Variants in LDAH observed in about 807,000 individuals in gnomAD.
LDAH encodes the protein lipid droplet-associated hydrolase.
Under a neutral mutation model 29.6 loss-of-function variants are expected in LDAH, and 26 were observed. That is an observed-to-expected ratio of 0.88 (90% CI 0.64 to 1.22). The LOEUF is 1.22. LDAH is among the 50% of genes most tolerant of loss of function. The pLI, the probability that LDAH is intolerant of heterozygous loss-of-function variation, is 0.00. For missense variants in LDAH, 344 were observed against 387.3 expected (o/e 0.89, Z 0.94); for synonymous variants, 117 against 133.0 (o/e 0.88, Z 0.83).
intron 5 of LDAH, among the ~76,000 whole-genome samples, chr2:20,717,369 C>T (rs1173374518): frequency 2.0e-5 from 3 of 152,126 alleles, no homozygotes; most frequent in Non-Finnish European, 4.4e-5. Flanking sequence ...TGGAATTTAT[C>T]TTAAAACTTC....
rs56001378 is a variant in LDAH at position 20,743,311 on chromosome 2, C to CTTTT, written c.469-3110_469-3107dup. On this transcript the variant is annotated intron_variant, in intron 4 of 6. Coordinates refer to ENST00000237822, the MANE Select transcript of LDAH (RefSeq NM_021925.4). ...TCCATTTACAACTAGTCCAAGTCCA[C>CTTTT]TTTTTTTTTTTTTTTTATTATACTT... Among the ~76,000 whole-genome samples the CTTTT allele has an allele frequency of 2.9e-5, 4 of 136,040 alleles. No individual in the cohort carries two copies. In the South Asian group the frequency reaches 8.9e-4, roughly 30 times the overall value. The allele number at this position is 136,040 out of a possible 152,430, so 89.2% of individuals were successfully genotyped here.
intron 5 of LDAH, among the ~76,000 whole-genome samples, chr2:20,703,205 A>G (rs1664076275): frequency 6.6e-6 from 1 of 152,250 alleles, no homozygotes; most frequent in African/African-American, 2.4e-5. Flanking sequence ...ACACATATAT[A>G]GTTTCATATC....
At chr2:20,811,327 T>TAAA (rs952779579) in intron 1 of LDAH, among the ~76,000 whole-genome samples, 1 of 151,954 alleles carries the variant, frequency 6.6e-6, no homozygotes, top group Admixed American at 6.5e-5. Context: ...CTCAACCTTC[T>TAAA]AAAAACTGAT....
At chr2:20,743,525 C>G (rs562260) in intron 4 of LDAH, among the ~76,000 whole-genome samples, 53,134 of 152,052 alleles carry the variant, frequency 0.35, 10,637 homozygotes, top group South Asian at 0.6. Context: ...ATTCATTTCA[C>G]TTATATGTAA....
chr2:20,717,562 A>G (rs1266160231), intron 5 of LDAH, among the ~76,000 whole-genome samples: 1 of 152,230 alleles, frequency 6.6e-6, no homozygotes, highest in African/African-American at 2.4e-5. Flanking sequence ...AAATGGACTC[A>G]CAGACAAACT....
intron 4 of LDAH, among the ~76,000 whole-genome samples, chr2:20,771,478 C>T (rs893361808): frequency 6.6e-6 from 1 of 152,190 alleles, no homozygotes; most frequent in South Asian, 2.1e-4. Flanking sequence ...CTGGCTTACA[C>T]AAACATATTT....
rs1662433449 is a variant in LDAH, at chr2:20,684,612, G to A, written c.*2291C>T. 9.4e-6 allele frequency: 3 copies of A among 318,760 alleles called. No homozygotes were observed. Among genetic ancestry groups the A allele is most frequent in the Non-Finnish European group, 1.7e-5 (3 of 175,298 alleles). 19.7% of individuals were successfully genotyped at this position (318,760 alleles called of 1,614,324 possible). A position where few individuals can be genotyped will look rare whatever the true frequency, so the allele number is the denominator to read the frequency against. On this transcript the variant is annotated 3_prime_UTR_variant, in exon 7 of 7. Transcript: ENST00000237822. ...TGGTCCGTGTCTCTCCAAAGGTTGAGTGGAGAAGCGTATGGTGAGAGGCCC... is the reference window on the plus strand; with the variant it reads ...TGGTCCGTGTCTCTCCAAAGGTTGAATGGAGAAGCGTATGGTGAGAGGCCC...
In LDAH at chr2:20,803,368, C is replaced by T. The variant is rs549791407; in HGVS notation, c.-2-1903G>A. On this transcript the variant is annotated intron_variant, in intron 1 of 6. Coordinates refer to ENST00000237822, the MANE Select transcript of LDAH (RefSeq NM_021925.4). Reference sequence around the variant, plus strand: ...CAGACCAGGTGGCTACTCCCCAGCCCCTCTCCTCAAACCATATGCACCGGC... The same window carrying T: ...CAGACCAGGTGGCTACTCCCCAGCCTCTCTCCTCAAACCATATGCACCGGC... 6.6e-5 allele frequency among the ~76,000 whole-genome samples: 10 copies of T among 152,332 alleles called. No individual in the cohort carries two copies. In the East Asian group the frequency reaches 1.9e-3, roughly 29 times the overall value.
At chr2:20,725,697 G>A (rs1238919591) in intron 5 of LDAH, among the ~76,000 whole-genome samples, 1 of 152,196 alleles carries the variant, frequency 6.6e-6, no homozygotes, top group East Asian at 1.9e-4. Flanking sequence ...CTATTCCTCA[G>A]AGTAAGGGAT....
intron 4 of LDAH, among the ~76,000 whole-genome samples, chr2:20,773,634 A>G (rs1669580150): frequency 6.6e-6 from 1 of 152,206 alleles, no homozygotes; most frequent in Non-Finnish European, 1.5e-5. Context: ...AATGAAAAAC[A>G]TATTTTCTTA....
At chr2:20,711,461 A>C (rs1158664987) in intron 5 of LDAH, among the ~76,000 whole-genome samples, 1 of 151,726 alleles carries the variant, frequency 6.6e-6, no homozygotes, top group East Asian at 1.9e-4. Context: ...TGCAGCTTCC[A>C]GCATGATTGA....
At chr2:20,756,054 C>T (rs909179725) in intron 4 of LDAH, among the ~76,000 whole-genome samples, 17 of 150,810 alleles carry the variant, frequency 1.1e-4, no homozygotes, top group Admixed American at 4.6e-4. Context: ...TTTTTTGAGA[C>T]GGAGTCTCAC....
Position 20,685,799 on chromosome 2 carries a change from C to T in LDAH, c.*1104G>A, listed in dbSNP as rs1326318516. On this transcript the variant is annotated 3_prime_UTR_variant, in exon 7 of 7. Coordinates refer to ENST00000237822, the MANE Select transcript of LDAH (RefSeq NM_021925.4). ...AATATGTGTCTTCTCTGCCATACCTCAATGTGTCTAGAGAAGGTGAATTCA... is the reference window on the plus strand; with the variant it reads ...AATATGTGTCTTCTCTGCCATACCTTAATGTGTCTAGAGAAGGTGAATTCA... The T allele has an allele frequency of 1.0e-6, 1 of 1,001,330 alleles. No homozygotes were observed. The highest frequency in any genetic ancestry group is 1.4e-6 in the Non-Finnish European group (1 of 707,308). The allele number at this position is 1,001,330 out of a possible 1,614,324, so 62.0% of individuals were successfully genotyped here.
chr2:20,777,511 G>A (rs1181921382), intron 3 of LDAH, among the ~76,000 whole-genome samples: 2 of 152,042 alleles, frequency 1.3e-5, no homozygotes, highest in East Asian at 1.9e-4. Flanking sequence ...TGCAACCTCC[G>A]CCTCCCGGGT....
rs576189173 is a variant in LDAH, at chr2:20,767,740, C to G, written c.468+7070G>C. ...TTGTGGTGCCCTTTCTGGGCCTACC[C>G]CTGGCTGCCCATGGACCAATCAGTG... On this transcript the variant is annotated intron_variant, in intron 4 of 6. Transcript: ENST00000237822. Among the ~76,000 whole-genome samples the G allele has an allele frequency of 6.6e-5, 10 of 152,326 alleles. No homozygotes were observed. In the East Asian group the frequency reaches 1.9e-3, roughly 29 times the overall value.
chr2:20,706,581 G>C (rs1414936465), intron 5 of LDAH, among the ~76,000 whole-genome samples: 1 of 151,780 alleles, frequency 6.6e-6, no homozygotes, highest in Non-Finnish European at 1.5e-5. Context: ...AACTGTTATT[G>C]GTTCCCAAAA....
chr2:20,725,015 T>C (rs1371093124), intron 5 of LDAH, among the ~76,000 whole-genome samples: 2 of 152,218 alleles, frequency 1.3e-5, no homozygotes, highest in Non-Finnish European at 2.9e-5. Context: ...TGGGTGTATA[T>C]ACCGCAATAT....
chr2:20,783,328 G>A (rs1670333341), intron 3 of LDAH, among the ~76,000 whole-genome samples: 1 of 152,122 alleles, frequency 6.6e-6, no homozygotes, highest in African/African-American at 2.4e-5. Context: ...AAATAAAGTT[G>A]ACTGAAGGTG....
chr2:20,762,984 TC>T (rs1370354959), intron 4 of LDAH, among the ~76,000 whole-genome samples: 1 of 152,198 alleles, frequency 6.6e-6, no homozygotes, highest in African/African-American at 2.4e-5. Flanking sequence ...CCAAAGAGCT[TC>T]AATCAACTTC....
Sources: gnomAD v4.1 joint callset for allele counts (sites outside exome capture counted in the v4.1 genomes callset) on GRCh38, gnomAD v4.1.1 for gene constraint, MANE v1.5 for transcripts, NCBI Gene and HGNC (gene_info 2026-07-23, HGNC 2026-07-21) for gene names.